NBEA: variants seen among roughly 807,000 people sequenced by gnomAD.
The protein encoded by NBEA is lysosomal-trafficking regulator 2.
NBEA carries 44 observed loss-of-function variants against 343.4 expected under a neutral mutation model. The ratio of observed to expected loss-of-function variants is 0.13; its 90% CI spans 0.10 to 0.16. The LOEUF (loss-of-function observed/expected upper bound fraction) is 0.16. Among genes scored for constraint, NBEA ranks in the 10% least tolerant of loss-of-function variants. NBEA has a pLI of 1.00. For synonymous variants in NBEA, 1,175 were observed against 1,238.7 expected, an observed-to-expected ratio of 0.95 and a Z score of 1.08; for missense variants, 2,555 against 3,631.3, an observed-to-expected ratio of 0.70 and a Z score of 7.62.
At chr13:35,527,558 C>T (rs953271330) in intron 41 of NBEA, among the ~76,000 whole-genome samples, 3 of 152,212 alleles carry the variant, frequency 2.0e-5, no homozygotes, top group African/African-American at 7.2e-5. Flanking sequence ...GGCCCCAAGG[C>T]GGCGGAGGGC....
chr13:35,580,413 G>A (rs773894896), intron 45 of NBEA, among the ~76,000 whole-genome samples: 11 of 152,134 alleles, frequency 7.2e-5, no homozygotes, highest in Non-Finnish European at 1.0e-4. Flanking sequence ...CTTACCTTTT[G>A]ACCAGAATTC....
At chr13:35,171,780 C>A (rs988162059) in intron 26 of NBEA, among the ~76,000 whole-genome samples, 21 of 151,908 alleles carry the variant, frequency 1.4e-4, no homozygotes, top group Non-Finnish European at 2.8e-4. Context: ...TTTATGAATC[C>A]AATTTTGGTA....
At chr13:35,308,360 A>G (rs2152831098) in intron 35 of NBEA, among the ~76,000 whole-genome samples, 2 of 148,150 alleles carry the variant, frequency 1.3e-5, no homozygotes. Context: ...ATTAAAATGC[A>G]TTAGGGAACT....
rs371450667 is a variant in NBEA at position 35,052,408 on chromosome 13, A to G, written c.972+2013A>G. Among the ~76,000 whole-genome samples the G allele has an allele frequency of 9.9e-5, 15 of 152,156 alleles. No individual in the cohort carries two copies. In the East Asian group the frequency reaches 2.7e-3, roughly 27 times the overall value. On this transcript the variant is annotated intron_variant, in intron 6 of 58. Transcript: ENST00000379939. ...AATATGTGCTCTAGACATATTAGCT[A>G]CTATTGATATCATGCTGTACTTTTA...
Position 35,156,109 on chromosome 13 carries a change from T to G in NBEA, c.2554T>G (p.Leu852Val), listed in dbSNP as rs373694204. 3 of 1,584,038 alleles carry G rather than the reference T, an allele frequency of 1.9e-6. No homozygotes were observed. The African/African-American group carries it at 4.1e-5, about 22-fold the overall frequency. The change falls in exon 20 of 59, where the codon TTA (leucine) becomes GTA (valine). Residue 852 changes from leucine to valine, a missense_variant. Leu to Val is a conservative substitution (Grantham distance 32). Transcript: ENST00000379939. ...PMILKVVATL[L>V]KNSTPSAELM... Reference sequence around the variant, plus strand: ...GATTCTTAAAGTGGTGGCAACTTTGTTAAAAAACTCTACACCAAGTGCAGA... The same window carrying G: ...GATTCTTAAAGTGGTGGCAACTTTGGTAAAAAACTCTACACCAAGTGCAGA...
intron 41 of NBEA, among the ~76,000 whole-genome samples, chr13:35,498,560 A>G (rs924682546): frequency 6.6e-6 from 1 of 152,110 alleles, no homozygotes; most frequent in Admixed American, 6.6e-5. Flanking sequence ...TCATCAGGAT[A>G]ACTTAAAGAA....
chr13:35,633,212 C>T (rs770328947), intron 49 of NBEA, among the ~76,000 whole-genome samples: 190 of 151,574 alleles, frequency 1.3e-3, no homozygotes, highest in Non-Finnish European at 2.3e-3. Flanking sequence ...ACGCCATTCT[C>T]CTGCCTCAGC....
chr13:35,259,600 C>T (rs2033022211), intron 34 of NBEA, among the ~76,000 whole-genome samples: 1 of 149,102 alleles, frequency 6.7e-6, no homozygotes, highest in East Asian at 1.9e-4. Flanking sequence ...CTCACAAAAA[C>T]TTATCAATCT....
intron 8 of NBEA, among the ~76,000 whole-genome samples, chr13:35,061,124 A>G (rs2063452824): frequency 6.6e-6 from 1 of 151,688 alleles, no homozygotes; most frequent in Non-Finnish European, 1.5e-5. Flanking sequence ...ATCAAACTGT[A>G]TATTCAATGG....
chr13:35,598,223 T>C (rs1283777344), intron 47 of NBEA, among the ~76,000 whole-genome samples: 1 of 152,126 alleles, frequency 6.6e-6, no homozygotes, highest in Non-Finnish European at 1.5e-5. Context: ...AGAAACTCCA[T>C]TCAGAAGGGG....
intron 10 of NBEA, among the ~76,000 whole-genome samples, chr13:35,076,419 T>C (rs1241765906): frequency 6.6e-6 from 1 of 152,134 alleles, no homozygotes; most frequent in Non-Finnish European, 1.5e-5. Flanking sequence ...AATTTATAAG[T>C]AGTAAAAAGT....
At chr13:35,500,143 T>C (rs2076830272) in intron 41 of NBEA, among the ~76,000 whole-genome samples, 1 of 152,140 alleles carries the variant, frequency 6.6e-6, no homozygotes, top group Admixed American at 6.6e-5. Flanking sequence ...CTGCAATTCA[T>C]TGCCTATTCT....
chr13:34,968,397 A>G (rs2059896936), intron 1 of NBEA, among the ~76,000 whole-genome samples: 1 of 152,102 alleles, frequency 6.6e-6, no homozygotes, highest in Non-Finnish European at 1.5e-5. Context: ...GGGCCCCAAC[A>G]TGAGTTAGCT....
At chr13:35,415,200 G>T (rs2043830092) in intron 38 of NBEA, among the ~76,000 whole-genome samples, 1 of 152,102 alleles carries the variant, frequency 6.6e-6, no homozygotes, top group African/African-American at 2.4e-5. Flanking sequence ...TCACTCTGAT[G>T]GTAGTTTCTT....
chr13:35,306,015 T>G (rs2152829571), intron 35 of NBEA, among the ~76,000 whole-genome samples: 1 of 152,294 alleles, frequency 6.6e-6, no homozygotes, highest in South Asian at 2.1e-4. Context: ...TACTTTAAAT[T>G]CGTATATCAA....
At position 34,990,239 on chromosome 13, in the gene NBEA, G is replaced by A. The variant is rs187290245; in HGVS notation, c.294+47125G>A. Among the ~76,000 whole-genome samples the A allele has an allele frequency of 1.5e-3, 231 of 151,230 alleles. 2 individuals are homozygous for A. Among genetic ancestry groups the A allele is most frequent in the African/African-American group, 5.4e-3 (224 of 41,494 alleles). On this transcript the variant is annotated intron_variant, in intron 1 of 58. Coordinates refer to ENST00000379939, the MANE Select transcript of NBEA (RefSeq NM_001385012.1). The stretch of plus-strand genomic sequence containing the variant: ...GGCAGTGCCCCAGTGGGGACTCTTT[G>A]TGGGGGCTGTAACCCCACATTTCCC...
intron 41 of NBEA, among the ~76,000 whole-genome samples, chr13:35,502,653 C>T (rs772567112): frequency 2.6e-5 from 4 of 152,078 alleles, no homozygotes; most frequent in African/African-American, 4.8e-5. Context: ...AGTGACCTCA[C>T]TATGGTAGCT....
intron 34 of NBEA, chr13:35,251,664 G>A (rs1011943116): frequency 2.5e-5 from 19 of 749,236 alleles, no homozygotes; most frequent in East Asian, 1.6e-4. Context: ...AGAAAGAGGC[G>A]GCTATCATCT....
intron 1 of NBEA, among the ~76,000 whole-genome samples, chr13:35,009,703 A>C (rs565302356): frequency 6.6e-6 from 1 of 152,304 alleles, no homozygotes; most frequent in South Asian, 2.1e-4. Context: ...GATCCTGTTA[A>C]AACTGGTATT....
Sources: gnomAD v4.1 joint callset for allele counts (sites outside exome capture counted in the v4.1 genomes callset) on GRCh38, gnomAD v4.1.1 for gene constraint, MANE v1.5 for transcripts, NCBI Gene and HGNC (gene_info 2026-07-23, HGNC 2026-07-21) for gene names.